CSTF3: variants seen among roughly 807,000 people sequenced by gnomAD.
The protein encoded by CSTF3 is CF-1 77 kDa subunit.
In CSTF3, 29 loss-of-function variants were observed where a neutral mutation model predicts 105.8. That is an observed-to-expected ratio of 0.27 (90% CI 0.20 to 0.37). The LOEUF (loss-of-function observed/expected upper bound fraction) is 0.37. CSTF3 is among the 10% of genes least tolerant of loss of function. The pLI, the probability that CSTF3 is intolerant of heterozygous loss-of-function variation, is 1.00. For synonymous variants in CSTF3, 252 were observed against 281.9 expected, an observed-to-expected ratio of 0.89 and a Z score of 1.06; for missense variants, 357 against 879.3, an observed-to-expected ratio of 0.41 and a Z score of 7.51.
At chr11:33,157,773 C>T (rs1234192163) in intron 1 of CSTF3, among the ~76,000 whole-genome samples, 3 of 152,300 alleles carry the variant, frequency 2.0e-5, no homozygotes. Context: ...TACTAAAAGG[C>T]TAAATCTACA....
chr11:33,160,078 T>C (rs1849919963), intron 1 of CSTF3, among the ~76,000 whole-genome samples: 1 of 151,788 alleles, frequency 6.6e-6, no homozygotes, highest in Non-Finnish European at 1.5e-5. Flanking sequence ...CCTCAGTTCA[T>C]TAGTCCTTCA....
chr11:33,092,107 T>C (rs7950763), intron 16 of CSTF3, among the ~76,000 whole-genome samples, 164 bp downstream of exon 16: 84,629 of 152,100 alleles, frequency 0.56, 26,145 homozygotes, highest in Non-Finnish European at 0.69. Flanking sequence ...TAAAAATAAT[T>C]TTAAACAGGT....
At chr11:33,106,284 C>T (rs562428909) in intron 5 of CSTF3, among the ~76,000 whole-genome samples, 2 of 151,948 alleles carry the variant, frequency 1.3e-5, no homozygotes, top group Non-Finnish European at 2.9e-5. Context: ...GGCATGGTGG[C>T]GTGCACCTGT....
At chr11:33,105,241 T>C (rs1226076487) in intron 8 of CSTF3, among the ~76,000 whole-genome samples, 1 of 152,076 alleles carries the variant, frequency 6.6e-6, no homozygotes, top group Non-Finnish European at 1.5e-5. Flanking sequence ...AAAAAATAAT[T>C]CCCAAAAGGT....
chr11:33,110,274 G>A (rs1339558812), intron 3 of CSTF3, among the ~76,000 whole-genome samples: 1 of 152,210 alleles, frequency 6.6e-6, no homozygotes, highest in Non-Finnish European at 1.5e-5. Context: ...ACAAGCTGCT[G>A]CTAGCCCTCT....
intron 1 of CSTF3, among the ~76,000 whole-genome samples, chr11:33,159,050 T>A (rs764428703): frequency 1.2e-4 from 18 of 152,202 alleles, no homozygotes; most frequent in Non-Finnish European, 2.2e-4. Flanking sequence ...TTAGAAATAC[T>A]ATTTTCTTGG....
chr11:33,119,080 G>C (rs527670007), intron 3 of CSTF3, among the ~76,000 whole-genome samples: 70 of 151,700 alleles, frequency 4.6e-4, no homozygotes, highest in Non-Finnish European at 8.9e-4. Context: ...GTGCAGAGGG[G>C]AAGTTGTTCA....
chr11:33,155,320 C>T (rs1006646641), intron 1 of CSTF3, among the ~76,000 whole-genome samples: 1 of 150,982 alleles, frequency 6.6e-6, no homozygotes, highest in Non-Finnish European at 1.5e-5. Context: ...GCCGTGATTG[C>T]GCCACTGTGC....
chr11:33,112,410 G>T (rs1297187631), intron 3 of CSTF3, among the ~76,000 whole-genome samples: 7 of 151,978 alleles, frequency 4.6e-5, no homozygotes, highest in South Asian at 2.1e-4. Context: ...CATTTCAAAG[G>T]GTTATCAAGA....
At chr11:33,147,788 G>T (rs1855803309) in intron 1 of CSTF3, among the ~76,000 whole-genome samples, 1 of 152,112 alleles carries the variant, frequency 6.6e-6, no homozygotes, top group Non-Finnish European at 1.5e-5. Flanking sequence ...GGATGGGATA[G>T]ACAAAGAATC....
At chr11:33,098,804 A>G (rs1855250582) in intron 12 of CSTF3, 40 bp from the exon 13 acceptor site, 3 of 1,380,842 alleles carry the variant, frequency 2.2e-6, no homozygotes, top group Non-Finnish European at 2.9e-6. Context: ...ACATATGGTC[A>G]TAAATAAGCA....
intron 3 of CSTF3, among the ~76,000 whole-genome samples, chr11:33,121,701 G>A (rs1855491731): frequency 6.6e-6 from 1 of 152,010 alleles, no homozygotes; most frequent in Non-Finnish European, 1.5e-5. Context: ...GACAGTTGAA[G>A]GGAAAAAAAC....
At chr11:33,132,789 G>GT (rs1855612808) in intron 3 of CSTF3, among the ~76,000 whole-genome samples, 1 of 152,090 alleles carries the variant, frequency 6.6e-6, no homozygotes, top group African/African-American at 2.4e-5. Flanking sequence ...AAATGATCAC[G>GT]TATTTGTCTA....
intron 17 of CSTF3, among the ~76,000 whole-genome samples, chr11:33,088,781 A>C (rs1814553036): frequency 6.7e-6 from 1 of 149,646 alleles, no homozygotes; most frequent in Non-Finnish European, 1.5e-5. Flanking sequence ...TAATTTTTGT[A>C]TTTTTCTCTC....
chr11:33,134,370 T>C (rs1003185364), intron 3 of CSTF3: 1 of 152,178 alleles, frequency 6.6e-6, no homozygotes, highest in Non-Finnish European at 1.5e-5. Flanking sequence ...TTTTTTCACC[T>C]AATACCCAAT....
At chr11:33,142,098 A>C in intron 1 of CSTF3, 112 bp from the exon 2 acceptor site, 1 of 1,503,820 alleles carries the variant, frequency 6.6e-7, no homozygotes, top group African/African-American at 1.4e-5. Context: ...CAAAGCATAA[A>C]AATATCCTCT....
chr11:33,098,619 AT>A, intron 13 of CSTF3, 70 bp downstream of exon 13: 2 of 888,110 alleles, frequency 2.3e-6, no homozygotes, highest in Non-Finnish European at 3.6e-6. Context: ...ATTTTATTGT[AT>A]ATAAATTTAA....
At chr11:33,094,805 T>C (rs1855201623) in intron 15 of CSTF3, among the ~76,000 whole-genome samples, 1 of 151,918 alleles carries the variant, frequency 6.6e-6, no homozygotes, top group Non-Finnish European at 1.5e-5. Context: ...CTATGATATC[T>C]AATTCTATAA....
chr11:33,152,085 C>G (rs568812765), intron 1 of CSTF3, among the ~76,000 whole-genome samples: 1 of 152,176 alleles, frequency 6.6e-6, no homozygotes, highest in African/African-American at 2.4e-5. Context: ...GAAACCTTGT[C>G]TCTACTAAAA....
Sources: allele counts gnomAD v4.1 joint callset (sites outside exome capture counted in the v4.1 genomes callset), GRCh38; gene constraint gnomAD v4.1.1; transcripts MANE v1.5; gene names NCBI Gene and HGNC (gene_info 2026-07-23, HGNC 2026-07-21).